CAST: variants seen among roughly 807,000 people sequenced by gnomAD.
The protein encoded by CAST is calpastatin, also known as MIR583 host.
A neutral mutation model predicts 119.6 loss-of-function variants in CAST; 76 were observed. The observed-to-expected ratio is 0.64, with a 90% confidence interval of 0.53 to 0.77. The LOEUF (loss-of-function observed/expected upper bound fraction) is 0.77, where lower values mean the gene tolerates loss of function less well. CAST is among the 30% of genes least tolerant of loss of function. The pLI is 0.00. For synonymous variants in CAST, 319 were observed against 331.6 expected (o/e 0.96, Z 0.41); for missense variants, 953 against 946.5 (o/e 1.01, Z -0.09).
At chr5:96,679,839 T>A (rs756955160) in intron 2 of CAST, among the ~76,000 whole-genome samples, 2 of 152,176 alleles carry the variant, frequency 1.3e-5, no homozygotes, top group Non-Finnish European at 2.9e-5. Flanking sequence ...TAGACTTTTT[T>A]AATCACAAAA....
chr5:96,641,252 A>T (rs1439993330), intron 1 of CAST, among the ~76,000 whole-genome samples: 1 of 152,028 alleles, frequency 6.6e-6, no homozygotes, highest in Non-Finnish European at 1.5e-5. Context: ...TTTCTTTTCT[A>T]ATTTTGTCTA....
chr5:96,336,185 C>T, the CAST span, among the ~76,000 whole-genome samples: 1 of 152,176 alleles, frequency 6.6e-6, no homozygotes, highest in Non-Finnish European at 1.5e-5. Context: ...TCCTACCACC[C>T]GCTGCCCCCT....
chr5:96,298,625 AT>A, the CAST span, among the ~76,000 whole-genome samples: 2 of 152,140 alleles, frequency 1.3e-5, no homozygotes, highest in African/African-American at 4.8e-5. Context: ...TATTAGTGTC[AT>A]TTTTTTAGTG....
At chr5:96,236,199 GGGAAA>G in the CAST span, among the ~76,000 whole-genome samples, 1 of 151,860 alleles carries the variant, frequency 6.6e-6, no homozygotes, top group Non-Finnish European at 1.5e-5. Context: ...GGCTCCTCTT[GGGAAA>G]TATTTAACAG....
At chr5:96,531,562 A>G (rs1238100756) in intron 1 of CAST, among the ~76,000 whole-genome samples, 1 of 152,220 alleles carries the variant, frequency 6.6e-6, no homozygotes, top group African/African-American at 2.4e-5. Flanking sequence ...CTACCCATGT[A>G]CTAACAGCTT....
chr5:96,574,062 T>C (rs1256273364), intron 1 of CAST, among the ~76,000 whole-genome samples: 1 of 3,582 alleles, frequency 2.8e-4, no homozygotes, highest in Admixed American at 4.0e-3. Context: ...TTTTTTTTTT[T>C]TTTTTTGAGA....
intron 1 of CAST, among the ~76,000 whole-genome samples, chr5:96,554,946 CT>C (rs1746205683): frequency 6.6e-6 from 1 of 152,204 alleles, no homozygotes; most frequent in Admixed American, 6.5e-5. Flanking sequence ...TGCTTTTACA[CT>C]GTTGGTGGAA....
the CAST span, among the ~76,000 whole-genome samples, chr5:96,150,490 A>T: frequency 1.1e-4 from 17 of 152,322 alleles, no homozygotes; most frequent in Non-Finnish European, 2.2e-4. Context: ...CCACTCAGAG[A>T]GAACGCTGTC....
the CAST span, among the ~76,000 whole-genome samples, chr5:95,963,722 T>C: frequency 6.8e-6 from 1 of 147,254 alleles, no homozygotes; most frequent in African/African-American, 2.6e-5. Context: ...CTTTTCTCTC[T>C]CTCTTTTTTT....
At chr5:96,523,757 G>A (rs943554259), upstream of CAST, among the ~76,000 whole-genome samples, 5 of 152,298 alleles carry the variant, frequency 3.3e-5, no homozygotes, top group African/African-American at 4.8e-5. Flanking sequence ...TGTTGGAGCC[G>A]TGGGCACTGT....
chr5:96,412,503 A>G, the CAST span: 8 of 1,612,408 alleles, frequency 5.0e-6, no homozygotes, highest in Admixed American at 8.3e-5. Flanking sequence ...GAGAAACAAA[A>G]TAAACAAAGA....
the CAST span, among the ~76,000 whole-genome samples, chr5:96,240,735 C>CTTTTTTTTT: frequency 3.9e-5 from 4 of 102,444 alleles, no homozygotes; most frequent in East Asian, 2.7e-4. Flanking sequence ...AGCTAACTTT[C>CTTTTTTTTT]TTTTTTTTTT....
At chr5:95,962,006 A>G in the CAST span, 2 of 412,422 alleles carry the variant, frequency 4.8e-6, no homozygotes, top group South Asian at 1.7e-4. Context: ...AAGTCACTAG[A>G]GTTTTGCTCC....
the CAST span, among the ~76,000 whole-genome samples, chr5:96,230,121 A>G: frequency 6.6e-6 from 1 of 151,972 alleles, no homozygotes; most frequent in Admixed American, 6.6e-5. Flanking sequence ...AGAACTTCTT[A>G]TAGAGCCTGA....
the CAST span, among the ~76,000 whole-genome samples, chr5:96,503,155 C>T: frequency 2.6e-5 from 4 of 152,142 alleles, no homozygotes; most frequent in Admixed American, 6.5e-5. Flanking sequence ...AATGTAAAAA[C>T]TGGTATCTCA....
the CAST span, among the ~76,000 whole-genome samples, chr5:96,028,020 A>G: frequency 6.6e-6 from 1 of 152,154 alleles, no homozygotes; most frequent in African/African-American, 2.4e-5. Flanking sequence ...CTAGGAAAAC[A>G]CATTCCAATT....
the CAST span, chr5:96,425,968 A>G: frequency 6.9e-6 from 8 of 1,154,444 alleles, no homozygotes; most frequent in South Asian, 2.5e-5. Flanking sequence ...CAAAAGTCAA[A>G]TATCTACCTC....
the CAST span, among the ~76,000 whole-genome samples, chr5:96,104,454 G>A: frequency 6.6e-6 from 1 of 151,942 alleles, no homozygotes; most frequent in African/African-American, 2.4e-5. Flanking sequence ...TCTACATATG[G>A]CTAGCCAGTT....
At chr5:96,418,671 C>A in the CAST span, among the ~76,000 whole-genome samples, 3 of 152,120 alleles carry the variant, frequency 2.0e-5, no homozygotes, top group Non-Finnish European at 4.4e-5. Flanking sequence ...AAGGCCAAGA[C>A]AAAATGGAGC....
Sources: allele counts gnomAD v4.1 joint callset (sites outside exome capture counted in the v4.1 genomes callset), GRCh38; gene constraint gnomAD v4.1.1; transcripts MANE v1.5; gene names NCBI Gene and HGNC (gene_info 2026-07-23, HGNC 2026-07-21).